COL1A1: variants seen among roughly 807,000 people sequenced by gnomAD.
COL1A1 encodes the protein collagen alpha-1(I) chain.
In COL1A1, 21 loss-of-function variants were observed where a neutral mutation model predicts 195.7. The ratio of observed to expected loss-of-function variants is 0.11; its 90% CI spans 0.08 to 0.15. The LOEUF (loss-of-function observed/expected upper bound fraction) is 0.15, where lower values mean the gene tolerates loss of function less well. Among genes scored for constraint, COL1A1 ranks in the 10% least tolerant of loss-of-function variants. The pLI, the probability that COL1A1 is intolerant of heterozygous loss-of-function variation, is 1.00. For synonymous variants in COL1A1, 749 were observed against 747.3 expected (o/e 1.00, Z -0.04); for missense variants, 1,365 against 2,051.0 (o/e 0.67, Z 6.46).
In COL1A1 at chr17:50,190,093, G is replaced by T. The variant is rs1800214; in HGVS notation, c.2467C>A (p.Pro823Thr). The change falls in exon 36 of 51, where the codon CCT becomes ACT. Residue 823 changes from proline to threonine, a missense_variant. Coordinates refer to ENST00000225964, the MANE Select transcript of COL1A1 (RefSeq NM_000088.4). This position sits in a 1 kb window ranked among gnomAD's most constrained non-coding sequence, Gnocchi z 4.7. Reference protein sequence around the residue: ...FAGPPGADGQPGAKGEPGDAG... With the variant: ...FAGPPGADGQTGAKGEPGDAG... Reference sequence around the variant, plus strand: ...TCACCAGGTTCGCCTTTAGCACCAGGTTGGCCGTCAGCACCCTGGGGGAGG... The same window carrying T: ...TCACCAGGTTCGCCTTTAGCACCAGTTTGGCCGTCAGCACCCTGGGGGAGG... 5.0e-6 allele frequency: 8 copies of T among 1,613,562 alleles called. No individual in the cohort carries two copies. Among genetic ancestry groups the T allele is most frequent in the Non-Finnish European group, 6.8e-6 (8 of 1,179,912 alleles).
intron 5 of COL1A1, 57 bp from the exon 6 acceptor site, chr17:50,198,561 C>T (rs1907804304): frequency 7.2e-7 from 1 of 1,382,860 alleles, no homozygotes; most frequent in Admixed American, 1.9e-5. Context: ...CAGAAGACGG[C>T]ACTGAGGATG....
rs1388301805 is a variant in COL1A1, at chr17:50,185,568, G to A, written c.4329C>T (p.Ala1443=). 1 of 1,613,898 alleles carries A rather than the reference G, an allele frequency of 6.2e-7. No homozygotes were observed. The highest frequency in any genetic ancestry group is 8.5e-7 in the Non-Finnish European group (1 of 1,179,962). The change falls in exon 51 of 51, where the codon GCC becomes GCT. Residue 1443 remains alanine, a synonymous_variant. Coordinates refer to ENST00000225964, the MANE Select transcript of COL1A1 (RefSeq NM_000088.4). ...GGTCTGGGGCACCAACGTCCAAGGG[G>A]GCCACATCGATGATGGGCAGGCGGG... The part of the protein sequence containing the change: ...KTSRLPIIDV[A]PLDVGAPDQE...
chr17:50,197,806 G>A, intron 8 of COL1A1, 21 bp from the exon 9 acceptor site: 8 of 1,607,610 alleles, frequency 5.0e-6, no homozygotes, highest in Non-Finnish European at 6.8e-6. Flanking sequence ...TAGAAGAGGT[G>A]GTTAGAATAT....
chr17:50,186,146 C>G lies in COL1A1; in HGVS notation c.4006-126G>C. 1 of 1,529,034 alleles carries G rather than the reference C, an allele frequency of 6.5e-7. No individual in the cohort carries two copies. Among genetic ancestry groups the G allele is most frequent in the Non-Finnish European group, 8.9e-7 (1 of 1,126,576 alleles). 94.7% of individuals were successfully genotyped at this position (1,529,034 alleles called of 1,614,324 possible). ...CCGTTATATCGAGAGGAGGCACCAC[C>G]TGCCCATCGGCAGCCTGTGTCTGAA... On this transcript the variant is annotated intron_variant, in intron 49 of 50. Transcript: ENST00000225964. This position sits in a 1 kb window ranked among gnomAD's most constrained non-coding sequence, Gnocchi z 5.3.
intron 25 of COL1A1, 116 bp downstream of exon 25, chr17:50,193,827 G>T: frequency 1.1e-6 from 1 of 906,944 alleles, no homozygotes; most frequent in Non-Finnish European, 1.8e-6. Flanking sequence ...TCCAGAAAGT[G>T]AGAGTGAGTG....
At position 50,186,180 on chromosome 17, in the gene COL1A1, A is replaced by G; in HGVS notation, c.4005+137T>C. 6.6e-7 allele frequency: 1 copy of G among 1,505,020 alleles called. No individual in the cohort carries two copies. Among genetic ancestry groups the G allele is most frequent in the Non-Finnish European group, 9.1e-7 (1 of 1,100,278 alleles). 93.2% of individuals were successfully genotyped at this position (1,505,020 alleles called of 1,614,324 possible). A position where few individuals can be genotyped will look rare whatever the true frequency, so the allele number is the denominator to read the frequency against. On this transcript the variant is annotated intron_variant, in intron 49 of 50. Coordinates refer to ENST00000225964, the MANE Select transcript of COL1A1 (RefSeq NM_000088.4). The surrounding 1 kb of genome is among the most constrained non-coding windows in gnomAD (Gnocchi z 5.3). ...GGCAGCCTGTGTCTGAACCACTATC[A>G]GGGACCTGAGACCCCTGCCTCCCAG...
chr17:50,199,392 C>G, intron 4 of COL1A1, 26 bp downstream of exon 4: 1 of 1,613,176 alleles, frequency 6.2e-7, no homozygotes, highest in African/African-American at 1.3e-5. Flanking sequence ...CCTGCAGCCC[C>G]CCACAGCCCA....
Position 50,185,257 on chromosome 17 carries a change from C to CTTTTTTTTTTTTTTTTTTTTTTTT in COL1A1, c.*244_*245insAAAAAAAAAAAAAAAAAAAAAAAA, listed in dbSNP as rs56302025. The CTTTTTTTTTTTTTTTTTTTTTTTT allele has an allele frequency of 5.4e-6, 1 of 185,554 alleles. No homozygotes were observed. Among genetic ancestry groups the CTTTTTTTTTTTTTTTTTTTTTTTT allele is most frequent in the Non-Finnish European group, 9.9e-6 (1 of 101,402 alleles). The allele number at this position is 185,554 out of a possible 1,614,324, so 11.5% of individuals were successfully genotyped here. A position where few individuals can be genotyped will look rare whatever the true frequency, so the allele number is the denominator to read the frequency against. On this transcript the variant is annotated 3_prime_UTR_variant, in exon 51 of 51. Transcript: ENST00000225964. ...TTTTTTAAAAAGTTATTTATTTATT[C>CTTTTTTTTTTTTTTTTTTTTTTTT]TTTTTTTTTTTTTTTTTTTGGTAAG... is the stretch of plus-strand genomic sequence containing the variant.
chr17:50,187,061 A>G lies in COL1A1; in HGVS notation c.3485T>C (p.Ile1162Thr), dbSNP rs956854444. The change falls in exon 47 of 51, where the codon ATT becomes ACT. Residue 1162 changes from isoleucine (I) to threonine (T), a missense_variant. Physicochemically the swap from Ile to Thr is moderately conservative, Grantham distance 89. Transcript: ENST00000225964. Reference protein sequence around the residue: ...KDGLNGLPGPIGPPGPRGRTG... With the variant: ...KDGLNGLPGPTGPPGPRGRTG... ...GCGACCGCGAGGACCAGGGGGCCCA[A>G]TGGGGCCAGGGAGACCGTTGAGTCC... 2 of 1,613,828 alleles carry G rather than the reference A, an allele frequency of 1.2e-6. No individual in the cohort carries two copies. The highest frequency in any genetic ancestry group is 8.5e-7 in the Non-Finnish European group (1 of 1,179,910).
chr17:50,187,236 A>G (rs865894529), intron 46 of COL1A1, 114 bp from the exon 47 acceptor site: 25 of 942,772 alleles, frequency 2.7e-5, no homozygotes, highest in Middle Eastern at 6.4e-4. Flanking sequence ...TCATAGAGCC[A>G]GCCTCAGCCT....
At chr17:50,193,848 A>T (rs1203824034) in intron 25 of COL1A1, 95 bp downstream of exon 25, 8 of 1,096,950 alleles carry the variant, frequency 7.3e-6, no homozygotes, top group African/African-American at 1.5e-5. Flanking sequence ...GCCACACGGC[A>T]GGTCAGCGGC....
chr17:50,184,718 T>A lies in COL1A1; in HGVS notation c.*784A>T. The A allele has an allele frequency of 4.3e-6, 1 of 232,332 alleles. No homozygotes were observed. Among genetic ancestry groups the A allele is most frequent in the Non-Finnish European group, 8.5e-6 (1 of 117,328 alleles). The allele number at this position is 232,332 out of a possible 1,614,324, so 14.4% of individuals were successfully genotyped here. A position where few individuals can be genotyped will look rare whatever the true frequency, so the allele number is the denominator to read the frequency against. ...ATCAAGACAAGAACGAGGTAGTCTTTCAGCAACACAGTTACACAAGGAACA... is the reference window on the plus strand; with the variant it reads ...ATCAAGACAAGAACGAGGTAGTCTTACAGCAACACAGTTACACAAGGAACA... On this transcript the variant is annotated 3_prime_UTR_variant, in exon 51 of 51. Transcript: ENST00000225964.
chr17:50,197,116 A>T lies in COL1A1; in HGVS notation c.751-53T>A, dbSNP rs1201465325. On this transcript the variant is annotated intron_variant, in intron 10 of 50. Transcript: ENST00000225964. ...GGGCCATTAGAACACATCACTGTGG[A>T]CCCAGCTCCTAAATGAAGCCCAAGT... is the stretch of plus-strand genomic sequence containing the variant. 104 of 1,613,836 alleles carry T rather than the reference A, an allele frequency of 6.4e-5. 1 individual carries two copies. The East Asian group carries it at 2.3e-3, about 35-fold the overall frequency.
In COL1A1 at chr17:50,197,066, G is replaced by GGA. The variant is rs1182846385; in HGVS notation, c.751-5_751-4dup. 1 of 1,614,054 alleles carries GGA rather than the reference G, an allele frequency of 6.2e-7. No individual in the cohort carries two copies. Among genetic ancestry groups the GGA allele is most frequent in the African/African-American group, 1.3e-5 (1 of 74,914 alleles). On this transcript the variant is annotated splice_region_variant and splice_polypyrimidine_tract_variant and intron_variant, in intron 10 of 50. Coordinates refer to ENST00000225964, the MANE Select transcript of COL1A1 (RefSeq NM_000088.4). ...GTTCCGGGCAATCCTCGAGCACCCT[G>GGA]GAGAGAGATGAAGAAGACAAGGAAG...
Position 50,191,907 on chromosome 17 carries a change from A to G in COL1A1, c.2029-21T>C, listed in dbSNP as rs561311228. 55 of 1,605,036 alleles carry G rather than the reference A, an allele frequency of 3.4e-5. No individual in the cohort carries two copies. The African/African-American group carries it at 5.3e-4, about 16-fold the overall frequency. Reference sequence around the variant, plus strand: ...TCGCCCTAGAAGGGAAGGACAGGGCATGTGAAGGCTGCTCTGGAGATAGGG... The same window carrying G: ...TCGCCCTAGAAGGGAAGGACAGGGCGTGTGAAGGCTGCTCTGGAGATAGGG... On this transcript the variant is annotated intron_variant, in intron 30 of 50. Coordinates refer to ENST00000225964, the MANE Select transcript of COL1A1 (RefSeq NM_000088.4).
Position 50,188,310 on chromosome 17 carries a change from G to A in COL1A1, c.3208-161C>T, listed in dbSNP as rs1329147015. ...GAAACCTCCCCACTGCAATCTTCAC[G>A]GGAGCTGGGGCCAACTCATGGGAGA... On this transcript the variant is annotated intron_variant, in intron 43 of 50. Transcript: ENST00000225964. The surrounding 1 kb of genome is among the most constrained non-coding windows in gnomAD (Gnocchi z 5.6). 12 of 866,334 alleles carry A rather than the reference G, an allele frequency of 1.4e-5. No homozygotes were observed. Among genetic ancestry groups the A allele is most frequent in the East Asian group, 2.7e-5 (1 of 37,594 alleles). 53.7% of individuals were successfully genotyped at this position (866,334 alleles called of 1,614,324 possible). A position where few individuals can be genotyped will look rare whatever the true frequency, so the allele number is the denominator to read the frequency against.
At position 50,190,184 on chromosome 17, in the gene COL1A1, G is replaced by A. The variant is rs1174716343; in HGVS notation, c.2452-76C>T. 1 of 1,330,748 alleles carries A rather than the reference G, an allele frequency of 7.5e-7. No homozygotes were observed. The highest frequency in any genetic ancestry group is 1.1e-6 in the Non-Finnish European group (1 of 922,646). The allele number at this position is 1,330,748 out of a possible 1,614,324, so 82.4% of individuals were successfully genotyped here. On this transcript the variant is annotated intron_variant, in intron 35 of 50. Transcript: ENST00000225964. The surrounding 1 kb of genome is among the most constrained non-coding windows in gnomAD (Gnocchi z 4.7). The stretch of plus-strand genomic sequence containing the variant: ...ACTACCTGGGGGAGGAGCAGTAATG[G>A]AGGCAGGAAGATGCTTGGGTGGGAA...
rs537139983 is a variant in COL1A1, at chr17:50,196,770, G to A, written c.805-100C>T. 158 of 1,352,768 alleles carry A rather than the reference G, an allele frequency of 1.2e-4. 1 individual carries two copies. In the East Asian group the frequency reaches 1.2e-3, roughly 10 times the overall value. 83.8% of individuals were successfully genotyped at this position (1,352,768 alleles called of 1,614,324 possible). ...GAAAGAGCCTTGGGAGGTCATCACC[G>A]CCATCCCTTTGTTTCTGAGCTAGAC... On this transcript the variant is annotated intron_variant, in intron 11 of 50. Transcript: ENST00000225964.
chr17:50,198,672 T>A, intron 5 of COL1A1, 168 bp from the exon 6 acceptor site: 1 of 665,606 alleles, frequency 1.5e-6, no homozygotes, highest in East Asian at 2.7e-5. Context: ...TCTAATCTAA[T>A]GAGACAATCC....
Sources: gnomAD v4.1 joint callset for allele counts on GRCh38, gnomAD v4.1.1 for gene constraint, Gnocchi (gnomAD v3.1) non-coding constraint, MANE v1.5 for transcripts, NCBI Gene and HGNC (gene_info 2026-07-23, HGNC 2026-07-21) for gene names.